The following LEKR1 variants were observed in gnomAD, a reference collection of about 807,000 sequenced individuals.
LEKR1 encodes protein LEKR1.
In LEKR1, 59 loss-of-function variants were observed where a neutral mutation model predicts 72.4. The observed-to-expected ratio is 0.82, with a 90% CI of 0.66 to 1.01. LEKR1 has a LOEUF of 1.01. Among genes scored for constraint, LEKR1 ranks in the 50% least tolerant of loss-of-function variants. The pLI is 0.00. For synonymous variants in LEKR1, 257 were observed against 263.2 expected (o/e 0.98, Z 0.23); for missense variants, 728 against 759.2 (o/e 0.96, Z 0.48).
At chr3:156,985,557 A>C (rs1183070291) in intron 7 of LEKR1, among the ~76,000 whole-genome samples, 2 of 152,170 alleles carry the variant, frequency 1.3e-5, no homozygotes, top group African/African-American at 2.4e-5. Flanking sequence ...TTTTGAGGCC[A>C]GGCGTAGTGG....
At chr3:156,973,148 C>T (rs1729389861) in intron 6 of LEKR1, among the ~76,000 whole-genome samples, 2 of 152,004 alleles carry the variant, frequency 1.3e-5, no homozygotes, top group African/African-American at 4.8e-5. Context: ...TGCAGGCACT[C>T]TTATTTCTAA....
intron 2 of LEKR1, 95 bp downstream of exon 2, chr3:156,829,472 A>G (rs767082574): frequency 1.3e-4 from 107 of 808,576 alleles, no homozygotes; most frequent in Non-Finnish European, 9.3e-5. Flanking sequence ...AATTTTGGTC[A>G]TAGGATCTGA....
At chr3:156,931,067 T>G (rs1308601847) in intron 5 of LEKR1, among the ~76,000 whole-genome samples, 2 of 152,124 alleles carry the variant, frequency 1.3e-5, no homozygotes, top group African/African-American at 4.8e-5. Flanking sequence ...GAATTAGACT[T>G]TATCAGAATT....
chr3:157,043,679 A>T (rs1735542403), intron 12 of LEKR1, among the ~76,000 whole-genome samples: 1 of 152,124 alleles, frequency 6.6e-6, no homozygotes, highest in Non-Finnish European at 1.5e-5. Context: ...ATGACACCTA[A>T]CATGGTGCCT....
At chr3:156,924,620 C>T in intron 4 of LEKR1, 1 of 568,274 alleles carries the variant, frequency 1.8e-6, no homozygotes, top group Non-Finnish European at 3.2e-6. Flanking sequence ...TTTCAGCTAA[C>T]TTCTGTGTAT....
At chr3:156,930,484 TG>T (rs930394082) in intron 5 of LEKR1, among the ~76,000 whole-genome samples, 16 of 152,098 alleles carry the variant, frequency 1.1e-4, no homozygotes, top group Admixed American at 7.9e-4. Flanking sequence ...GGACTATATT[TG>T]TATTTTATGT....
chr3:156,859,061 G>A (rs7620458), intron 3 of LEKR1, among the ~76,000 whole-genome samples: 28,511 of 151,960 alleles, frequency 0.19, 3,420 homozygotes, highest in African/African-American at 0.33. Flanking sequence ...TAAACAATAA[G>A]TTTTGGAAAT....
intron 6 of LEKR1, among the ~76,000 whole-genome samples, chr3:156,961,318 A>G (rs373554507): frequency 3.3e-4 from 51 of 152,320 alleles, no homozygotes; most frequent in African/African-American, 1.2e-3. Context: ...TAAGTGTACA[A>G]TTCAGTGGTT....
chr3:157,011,236 G>A (rs951234730), intron 9 of LEKR1, among the ~76,000 whole-genome samples, 177 bp from the exon 10 acceptor site: 3 of 152,026 alleles, frequency 2.0e-5, no homozygotes, highest in African/African-American at 7.2e-5. Flanking sequence ...TACAAGTGCT[G>A]CATAGCACTT....
Position 157,045,590 on chromosome 3 carries a change from C to T in LEKR1, c.1919C>T (p.Ser640Leu). The T allele has an allele frequency of 6.2e-7, 1 of 1,614,124 alleles. No homozygotes were observed. The highest frequency in any genetic ancestry group is 8.5e-7 in the Non-Finnish European group (1 of 1,180,020). Residue 640 changes from serine (S) to leucine (L), a missense_variant, in exon 13 of 13, where the codon TCA becomes TTA. Physicochemically the swap from Ser to Leu is moderately radical, Grantham distance 145. Transcript: ENST00000356539. ...CAAATTCCCAACCTGCGCGGGGTGT[C>T]AAAACCCACCACTTTCCCAACCTCA... ...GIQIPNLRGV[S>L]KPTTFPTSDK...
intron 7 of LEKR1, among the ~76,000 whole-genome samples, chr3:156,982,540 G>A (rs1730290452): frequency 6.6e-6 from 1 of 152,172 alleles, no homozygotes; most frequent in Non-Finnish European, 1.5e-5. Flanking sequence ...CTTAGACCAA[G>A]CAAGATTTAT....
At chr3:156,966,856 A>G (rs1383335470) in intron 6 of LEKR1, among the ~76,000 whole-genome samples, 2 of 152,314 alleles carry the variant, frequency 1.3e-5, no homozygotes, top group East Asian at 3.9e-4. Flanking sequence ...ACCTCCAAGT[A>G]GCCTAACTGG....
Position 156,979,283 on chromosome 3 carries a change from G to A in LEKR1, c.827+8G>A, listed in dbSNP as rs1729971461. ...CTATAAAGAAATGCTTATGTAAGAT[G>A]GAGAATATTAAACAACTTATAACAG... is the stretch of plus-strand genomic sequence containing the variant. On this transcript the variant is annotated splice_region_variant and intron_variant, in intron 7 of 12. Coordinates refer to ENST00000356539, the MANE Select transcript of LEKR1 (RefSeq NM_001004316.3). 1 of 1,243,870 alleles carries A rather than the reference G, an allele frequency of 8.0e-7. No individual in the cohort carries two copies. Among genetic ancestry groups the A allele is most frequent in the Non-Finnish European group, 1.1e-6 (1 of 948,532 alleles). 77.1% of individuals were successfully genotyped at this position (1,243,870 alleles called of 1,614,324 possible).
chr3:157,039,139 A>G (rs773399230), intron 12 of LEKR1, among the ~76,000 whole-genome samples: 3 of 152,338 alleles, frequency 2.0e-5, no homozygotes, highest in Admixed American at 6.5e-5. Flanking sequence ...GGAAAAAATC[A>G]AGGATTTGCC....
At chr3:157,038,917 T>A (rs1735155700) in intron 12 of LEKR1, among the ~76,000 whole-genome samples, 1 of 152,212 alleles carries the variant, frequency 6.6e-6, no homozygotes, top group South Asian at 2.1e-4. Context: ...TCAGATTTTA[T>A]CACTAACTGT....
chr3:156,968,479 G>C (rs1728836913), intron 6 of LEKR1, among the ~76,000 whole-genome samples: 1 of 152,180 alleles, frequency 6.6e-6, no homozygotes, highest in Non-Finnish European at 1.5e-5. Context: ...TGCAATCCTA[G>C]TCTCTGATAA....
intron 10 of LEKR1, among the ~76,000 whole-genome samples, chr3:157,021,389 C>A (rs1006066813): frequency 6.6e-6 from 1 of 151,978 alleles, no homozygotes; most frequent in Non-Finnish European, 1.5e-5. Context: ...CCTAGGTTTT[C>A]TTCTAGGGTT....
At chr3:156,834,473 G>A (rs1430202574) in intron 2 of LEKR1, among the ~76,000 whole-genome samples, 3 of 152,052 alleles carry the variant, frequency 2.0e-5, no homozygotes, top group Non-Finnish European at 4.4e-5. Context: ...ATATTTCCAA[G>A]ACAAAAACAC....
chr3:157,044,398 C>A (rs144317356), intron 12 of LEKR1, among the ~76,000 whole-genome samples: 135 of 152,286 alleles, frequency 8.9e-4, no homozygotes, highest in African/African-American at 3.2e-3. Context: ...ATAGGTAACA[C>A]CTCAACTAGA....
Sources: gnomAD v4.1 joint callset for allele counts (sites outside exome capture counted in the v4.1 genomes callset) on GRCh38, gnomAD v4.1.1 for gene constraint, MANE v1.5 for transcripts, NCBI Gene and HGNC (gene_info 2026-07-23, HGNC 2026-07-21) for gene names.